Variants in RPL29 observed in about 807,000 individuals in gnomAD.
RPL29 encodes the protein large ribosomal subunit protein eL29.
In RPL29, 4 loss-of-function variants were observed where a neutral mutation model predicts 7.2. That is an observed-to-expected ratio of 0.55 (90% CI 0.27 to 1.26). The LOEUF is 1.26. Among genes scored for constraint, RPL29 ranks in the 50% most tolerant of loss-of-function variants. The probability of loss-of-function intolerance (pLI) is 0.11; values close to 1 mark genes in which losing one functional copy is unlikely to be tolerated. For missense variants in RPL29, 148 were observed against 209.1 expected (o/e 0.71, Z 1.80); for synonymous variants, 73 against 72.8 (o/e 1.00, Z -0.01).
At position 51,994,004 on chromosome 3, in the gene RPL29, G is replaced by C; in HGVS notation, c.225C>G (p.Leu75=). ...MSARAEAIKA[L]VKPKEVKPKI... ...TGGGCTTAACCTCCTTGGGCTTTAC[G>C]AGGGCCTTGATAGCCTCGGCACGTG... Residue 75 remains leucine (L), a synonymous_variant, in exon 4 of 4, where the codon CTC becomes CTG. Transcript: ENST00000294189. 1.3e-6 allele frequency: 2 copies of C among 1,598,388 alleles called. No individual in the cohort carries two copies. The highest frequency in any genetic ancestry group is 1.7e-6 in the Non-Finnish European group (2 of 1,179,592).
In RPL29 at chr3:51,994,845, G is replaced by A. The variant is rs1367218907; in HGVS notation, c.102+197C>T. The A allele has an allele frequency of 4.1e-6, 3 of 725,512 alleles. No homozygotes were observed. In the South Asian group the frequency reaches 4.3e-5, roughly 10 times the overall value. 44.9% of individuals were successfully genotyped at this position (725,512 alleles called of 1,614,324 possible). A position where few individuals can be genotyped will look rare whatever the true frequency, so the allele number is the denominator to read the frequency against. ...AGGCAGGTTACACCCTGACCAGAGG[G>A]TTACACTTCAGGCTGTGGAGACCAA... On this transcript the variant is annotated intron_variant, in intron 3 of 3. Coordinates refer to ENST00000294189, the MANE Select transcript of RPL29 (RefSeq NM_000992.3).
rs754634816 is a variant in RPL29 at position 51,993,962 on chromosome 3, G to C, written c.267C>G (p.Val89=). The change falls in exon 4 of 4, where the codon GTC becomes GTG. Residue 89 remains valine (V), a synonymous_variant. Coordinates refer to ENST00000294189, the MANE Select transcript of RPL29 (RefSeq NM_000992.3). The part of the protein sequence containing the change: ...KEVKPKIPKG[V]SRKLDRLAYI... Reference sequence around the variant, plus strand: ...AGGCAAGTCGATCGAGCTTGCGGCTGACACCCTTTGGGATCTTGGGCTTAA... The same window carrying C: ...AGGCAAGTCGATCGAGCTTGCGGCTCACACCCTTTGGGATCTTGGGCTTAA... 5 of 1,596,888 alleles carry C rather than the reference G, an allele frequency of 3.1e-6. No homozygotes were observed. In the Admixed American group the frequency reaches 6.7e-5, roughly 21 times the overall value.
At chr3:51,994,816 C>T (rs1414455489) in intron 3 of RPL29, 2 of 706,276 alleles carry the variant, frequency 2.8e-6, no homozygotes, top group Non-Finnish European at 5.2e-6. Flanking sequence ...AAACTGCCCT[C>T]AGGAGGCAGG....
chr3:51,994,519 T>G (rs1701290467), intron 3 of RPL29: 1 of 331,596 alleles, frequency 3.0e-6, no homozygotes, highest in Non-Finnish European at 5.6e-6. Context: ...ATAGCCAAGG[T>G]GGGATATGGG....
At chr3:51,995,361 T>C in intron 2 of RPL29, 64 bp downstream of exon 2, 1 of 1,557,078 alleles carries the variant, frequency 6.4e-7, no homozygotes, top group Non-Finnish European at 8.9e-7. Flanking sequence ...TTCATCTCTG[T>C]CCCAGTTTGC....
In RPL29 at chr3:51,993,903, C is replaced by T. The variant is rs768432131; in HGVS notation, c.326G>A (p.Arg109His). The T allele has an allele frequency of 7.5e-6, 12 of 1,596,486 alleles. No individual in the cohort carries two copies. The highest frequency in any genetic ancestry group is 2.2e-5 in the East Asian group (1 of 44,890). ...CCTGAGCCCCTTGGCAATACGGGCA[C>T]GAGCACGCTTCCCAAGCTTGGGGTG... ...IAHPKLGKRA[R>H]ARIAKGLRLC... is the part of the protein sequence containing the mutation. Residue 109 changes from arginine to histidine, a missense_variant, in exon 4 of 4, where the codon CGT (arginine) becomes CAT (histidine). By Grantham distance (29) the Arg-to-His change is conservative (BLOSUM62 0). Coordinates refer to ENST00000294189, the MANE Select transcript of RPL29 (RefSeq NM_000992.3).
chr3:51,994,442 C>T (rs1447531565), intron 3 of RPL29: 1 of 373,704 alleles, frequency 2.7e-6, no homozygotes, highest in Non-Finnish European at 4.8e-6. Context: ...GACATCCCCT[C>T]AGGGACACCC....
chr3:51,994,621 C>T, intron 3 of RPL29: 2 of 525,028 alleles, frequency 3.8e-6, no homozygotes, highest in Non-Finnish European at 6.9e-6. Context: ...CAGCTCTCCC[C>T]TAGACCCTCC....
chr3:51,993,912 T>G lies in RPL29; in HGVS notation c.317A>C (p.Lys106Thr). The change falls in exon 4 of 4, where the codon AAG (lysine) becomes ACG (threonine). Residue 106 changes from lysine (K) to threonine (T), a missense_variant. Coordinates refer to ENST00000294189, the MANE Select transcript of RPL29 (RefSeq NM_000992.3). Reference sequence around the variant, plus strand: ...CTTGGCAATACGGGCACGAGCACGCTTCCCAAGCTTGGGGTGGGCAATGTA... The same window carrying G: ...CTTGGCAATACGGGCACGAGCACGCGTCCCAAGCTTGGGGTGGGCAATGTA... ...LAYIAHPKLG[K>T]RARARIAKGL... 6.3e-7 allele frequency: 1 copy of G among 1,596,488 alleles called. No individual in the cohort carries two copies. Among genetic ancestry groups the G allele is most frequent in the Non-Finnish European group, 8.5e-7 (1 of 1,179,776 alleles).
At chr3:51,994,693 G>A in intron 3 of RPL29, 4 of 611,974 alleles carry the variant, frequency 6.5e-6, no homozygotes, top group Non-Finnish European at 8.8e-6. Context: ...CCCAACTCCA[G>A]CACTGGGTCA....
chr3:51,995,382 C>G (rs1172310381), intron 2 of RPL29, 43 bp downstream of exon 2: 3 of 1,611,318 alleles, frequency 1.9e-6, no homozygotes, highest in Non-Finnish European at 2.5e-6. Context: ...CTGAACCAGT[C>G]CTTGCCAGGG....
intron 2 of RPL29, 106 bp from the exon 3 acceptor site, chr3:51,995,212 G>T: frequency 9.3e-7 from 1 of 1,074,266 alleles, no homozygotes; most frequent in Non-Finnish European, 1.4e-6. Context: ...TCCTACAGCA[G>T]CTACACTTGA....
chr3:51,994,212 C>G (rs1335748160), intron 3 of RPL29, 86 bp from the exon 4 acceptor site: 2 of 1,462,392 alleles, frequency 1.4e-6, no homozygotes, highest in East Asian at 2.3e-5. Context: ...ACCCAGCATT[C>G]TAAAGACAGC....
chr3:51,995,174 A>T (rs1015564601), intron 2 of RPL29, 68 bp from the exon 3 acceptor site: 10 of 1,385,638 alleles, frequency 7.2e-6, no homozygotes, highest in South Asian at 2.5e-5. Context: ...CCAACATCAC[A>T]GCTGGCAAGT....
rs1701281716 is a variant in RPL29, at chr3:51,993,878, C to G, written c.351G>C (p.Arg117Ser). ...TGGCCTTGGCCTTTGGCCGGCACAG[C>G]CTGAGCCCCTTGGCAATACGGGCAC... ...RARARIAKGLRLCRPKAKAKA... is the reference protein window; with the variant it reads ...RARARIAKGLSLCRPKAKAKA... The change falls in exon 4 of 4, where the codon AGG becomes AGC. Residue 117 changes from arginine to serine, a missense_variant. By Grantham distance (110) the Arg-to-Ser change is moderately radical. Coordinates refer to ENST00000294189, the MANE Select transcript of RPL29 (RefSeq NM_000992.3). The G allele has an allele frequency of 6.3e-7, 1 of 1,595,426 alleles. No homozygotes were observed. Among genetic ancestry groups the G allele is most frequent in the Admixed American group, 1.7e-5 (1 of 59,968 alleles).
chr3:51,995,508 C>G, intron 1 of RPL29, 39 bp from the exon 2 acceptor site: 1 of 1,601,282 alleles, frequency 6.2e-7, no homozygotes, highest in South Asian at 1.1e-5. Context: ...AAGGGCTCGC[C>G]AGGCTGGGCC....
Position 51,994,078 on chromosome 3 carries a change from T to C in RPL29, c.151A>G (p.Lys51Glu), listed in dbSNP as rs1415267239. The change falls in exon 4 of 4, where the codon AAA becomes GAA. Residue 51 changes from lysine (K) to glutamate (E), a missense_variant. Transcript: ENST00000294189. ...RNMRFAKKHN[K>E]KGLKKMQANN... ...GCCTGCATCTTCTTTAGGCCCTTTT[T>C]GTTGTGCTTCTTGGCAAAGCGCATG... 6.2e-7 allele frequency: 1 copy of C among 1,604,154 alleles called. No individual in the cohort carries two copies. Among genetic ancestry groups the C allele is most frequent in the Admixed American group, 1.7e-5 (1 of 59,816 alleles).
rs1375348012 is a variant in RPL29 at position 51,993,895 on chromosome 3, T to C, written c.334A>G (p.Ile112Val). ...PKLGKRARARIAKGLRLCRPK... is the reference protein window; with the variant it reads ...PKLGKRARARVAKGLRLCRPK... Reference sequence around the variant, plus strand: ...CGGCACAGCCTGAGCCCCTTGGCAATACGGGCACGAGCACGCTTCCCAAGC... The same window carrying C: ...CGGCACAGCCTGAGCCCCTTGGCAACACGGGCACGAGCACGCTTCCCAAGC... The change falls in exon 4 of 4, where the codon ATT becomes GTT. Residue 112 changes from isoleucine (I) to valine (V), a missense_variant. By Grantham distance (29) the Ile-to-Val change is conservative. Transcript: ENST00000294189. The C allele has an allele frequency of 1.3e-6, 2 of 1,596,482 alleles. No individual in the cohort carries two copies. The highest frequency in any genetic ancestry group is 1.7e-6 in the Non-Finnish European group (2 of 1,179,776).
In RPL29 at chr3:51,995,895, G is replaced by A. The variant is rs916615647; in HGVS notation, c.-47C>T. 3.0e-5 allele frequency: 6 copies of A among 201,896 alleles called. No homozygotes were observed. Among genetic ancestry groups the A allele is most frequent in the Non-Finnish European group, 5.2e-5 (5 of 96,906 alleles). The allele number at this position is 201,896 out of a possible 1,614,324, so 12.5% of individuals were successfully genotyped here. A position where few individuals can be genotyped will look rare whatever the true frequency, so the allele number is the denominator to read the frequency against. On this transcript the variant is annotated 5_prime_UTR_variant, in exon 1 of 4. Coordinates refer to ENST00000294189, the MANE Select transcript of RPL29 (RefSeq NM_000992.3). ...TCCCGAAGCGCCTAGAACCGGAAGA[G>A]AAAGGGGCTGCGGTGCAGCACGGGA...
Sources: allele counts gnomAD v4.1 joint callset, GRCh38; gene constraint gnomAD v4.1.1; transcripts MANE v1.5; gene names NCBI Gene and HGNC (gene_info 2026-07-23, HGNC 2026-07-21).